The following AGPAT4 variants were observed in gnomAD, a reference collection of about 807,000 sequenced individuals.
AGPAT4 encodes the protein 1-acylglycerol-3-phosphate O-acyltransferase 4.
A neutral mutation model predicts 48.0 loss-of-function variants in AGPAT4; 15 were observed. That is an observed-to-expected ratio of 0.31 (90% CI 0.21 to 0.48). The LOEUF is 0.48. AGPAT4 is among the 20% of genes least tolerant of loss of function. The pLI is 0.99. For synonymous variants in AGPAT4, 178 were observed against 198.7 expected (o/e 0.90, Z 0.88); for missense variants, 314 against 482.5 (o/e 0.65, Z 3.27).
Position 161,198,248 on chromosome 6 carries a change from C to G in AGPAT4, c.179-31831G>C, listed in dbSNP as rs757373633. 6.6e-6 allele frequency among the ~76,000 whole-genome samples: 1 copy of G among 152,276 alleles called. No individual in the cohort carries two copies. The highest frequency in any genetic ancestry group is 1.9e-4 in the East Asian group (1 of 5,182). On this transcript the variant is annotated intron_variant, in intron 2 of 8. Coordinates refer to ENST00000320285, the MANE Select transcript of AGPAT4 (RefSeq NM_020133.3). The surrounding 1 kb of genome is among the most constrained non-coding windows in gnomAD (Gnocchi z 4.3). ...CTCTAAATTATACTTCTTGCTTGTA[C>G]GTAAATATAATCTCAAGTAATTTTT...
chr6:161,238,087 T>C lies in AGPAT4; in HGVS notation c.-89-5785A>G, dbSNP rs966874939. On this transcript the variant is annotated intron_variant, in intron 1 of 8. Coordinates refer to ENST00000320285, the MANE Select transcript of AGPAT4 (RefSeq NM_020133.3). The surrounding 1 kb of genome is among the most constrained non-coding windows in gnomAD (Gnocchi z 5.2). ...GGGGGTGGGGGGGTAATGGGGGGGT[T>C]GGGGGGCGGGAGGCAGAATGCAGCA... is the stretch of plus-strand genomic sequence containing the variant. Among the ~76,000 whole-genome samples, 6 of 3,066 alleles carry C rather than the reference T, an allele frequency of 2.0e-3. No homozygotes were observed. The highest frequency in any genetic ancestry group is 3.9e-3 in the Admixed American group (1 of 258). The allele number at this position is 3,066 out of a possible 152,430, so 2.0% of individuals were successfully genotyped here. A position where few individuals can be genotyped will look rare whatever the true frequency, so the allele number is the denominator to read the frequency against.
chr6:161,132,988 A>G lies in AGPAT4; in HGVS notation c.*3552T>C, dbSNP rs529561452. On this transcript the variant is annotated 3_prime_UTR_variant, in exon 9 of 9. Transcript: ENST00000320285. ...CTAGGGCCCCTCAAGAGACGTGCAA[A>G]CCAAAGTATTTGTTTTTCTCACTTT... 5 of 152,358 alleles carry G rather than the reference A, an allele frequency of 3.3e-5. No homozygotes were observed. In the East Asian group the frequency reaches 9.6e-4, roughly 29 times the overall value. The allele number at this position is 152,358 out of a possible 1,614,324, so 9.4% of individuals were successfully genotyped here.
In AGPAT4 at chr6:161,166,214, G is replaced by A. The variant is rs1411510142; in HGVS notation, c.348+34C>T. The A allele has an allele frequency of 6.2e-7, 1 of 1,607,768 alleles. No homozygotes were observed. Among genetic ancestry groups the A allele is most frequent in the Non-Finnish European group, 8.5e-7 (1 of 1,176,430 alleles). ...AGTGGTGGGGCTGAACCAGAGAAAT[G>A]TGTGAGGCAGGGGGGAATGCACTTC... On this transcript the variant is annotated intron_variant, in intron 3 of 8. Coordinates refer to ENST00000320285, the MANE Select transcript of AGPAT4 (RefSeq NM_020133.3). This position sits in a 1 kb window ranked among gnomAD's most constrained non-coding sequence, Gnocchi z 6.7.
rs757429399 is a variant in AGPAT4, at chr6:161,264,887, TC to T, written c.-90+9050del. Among the ~76,000 whole-genome samples the T allele has an allele frequency of 4.6e-5, 7 of 151,636 alleles. No homozygotes were observed. The South Asian group carries it at 1.0e-3, about 23-fold the overall frequency. ...AGGACTAGTTATGGGACCCCTAGAG[TC>T]CCCCAGGGCTGGGGAGCTGAAGCCT... is the stretch of plus-strand genomic sequence containing the variant. On this transcript the variant is annotated intron_variant, in intron 1 of 8. Coordinates refer to ENST00000320285, the MANE Select transcript of AGPAT4 (RefSeq NM_020133.3). This position sits in a 1 kb window ranked among gnomAD's most constrained non-coding sequence, Gnocchi z 6.8.
In AGPAT4 at chr6:161,139,377, A is replaced by C. The variant is rs757410367; in HGVS notation, c.1042+45T>G. 3.1e-6 allele frequency: 5 copies of C among 1,596,640 alleles called. No individual in the cohort carries two copies. On this transcript the variant is annotated intron_variant, in intron 8 of 8. Transcript: ENST00000320285. This position sits in a 1 kb window ranked among gnomAD's most constrained non-coding sequence, Gnocchi z 9.1. ...TCCCAGCCCTGATGCCACCTCTCCCAGGGTGGTGCTGTCAGCACCCACCAG... is the reference window on the plus strand; with the variant it reads ...TCCCAGCCCTGATGCCACCTCTCCCCGGGTGGTGCTGTCAGCACCCACCAG...
In AGPAT4 at chr6:161,235,792, C is replaced by T. The variant is rs528484629; in HGVS notation, c.-89-3490G>A. Among the ~76,000 whole-genome samples, 6 of 152,148 alleles carry T rather than the reference C, an allele frequency of 3.9e-5. No individual in the cohort carries two copies. In the South Asian group the frequency reaches 6.2e-4, roughly 16 times the overall value. On this transcript the variant is annotated intron_variant, in intron 1 of 8. Coordinates refer to ENST00000320285, the MANE Select transcript of AGPAT4 (RefSeq NM_020133.3). This position sits in a 1 kb window ranked among gnomAD's most constrained non-coding sequence, Gnocchi z 6.2. ...AAGAGAACTCACTCATTATACGGTA[C>T]CAAGGGGGTACAGTGCTAAACCATT...
At chr6:161,260,672 A>AC (rs1405647684) in intron 1 of AGPAT4, among the ~76,000 whole-genome samples, 1 of 150,702 alleles carries the variant, frequency 6.6e-6, no homozygotes, top group Non-Finnish European at 1.5e-5. Flanking sequence ...AAAAAAAAAA[A>AC]AAAAAAAAAA....
rs752632755 is a variant in AGPAT4 at position 161,146,491 on chromosome 6, C to T, written c.843+33G>A. ...CCACACGGCGCACCCACAGCTGCAACGTGAAGGGACCCCTGGCACCCAGTG... is the reference window on the plus strand; with the variant it reads ...CCACACGGCGCACCCACAGCTGCAATGTGAAGGGACCCCTGGCACCCAGTG... On this transcript the variant is annotated intron_variant, in intron 7 of 8. Coordinates refer to ENST00000320285, the MANE Select transcript of AGPAT4 (RefSeq NM_020133.3). The surrounding 1 kb of genome is among the most constrained non-coding windows in gnomAD (Gnocchi z 7.1). 7.5e-6 allele frequency: 12 copies of T among 1,610,292 alleles called. No individual in the cohort carries two copies. The highest frequency in any genetic ancestry group is 2.2e-5 in the East Asian group (1 of 44,840).
rs140133840 is a variant in AGPAT4, at chr6:161,206,637, C to T, written c.178+25399G>A. ...AATGTCCAAGATACAATTGAAAAAT[C>T]ACTTGACATGCCAAGGACCAGGAAA... On this transcript the variant is annotated intron_variant, in intron 2 of 8. Transcript: ENST00000320285. This position sits in a 1 kb window ranked among gnomAD's most constrained non-coding sequence, Gnocchi z 4.8. Among the ~76,000 whole-genome samples the T allele has an allele frequency of 1.7e-3, 261 of 152,240 alleles. 1 individual carries two copies. The highest frequency in any genetic ancestry group is 5.9e-3 in the African/African-American group (246 of 41,532).
intron 2 of AGPAT4, among the ~76,000 whole-genome samples, chr6:161,183,782 G>T (rs1780679716): frequency 6.7e-6 from 1 of 149,564 alleles, no homozygotes; most frequent in Non-Finnish European, 1.5e-5. Flanking sequence ...GGCCCAGAAG[G>T]CCTCTCAGAT....
rs2115005045 is a variant in AGPAT4 at position 161,195,467 on chromosome 6, G to A, written c.179-29050C>T. Among the ~76,000 whole-genome samples the A allele has an allele frequency of 6.6e-6, 1 of 152,020 alleles. No individual in the cohort carries two copies. Among genetic ancestry groups the A allele is most frequent in the African/African-American group, 2.4e-5 (1 of 41,314 alleles). ...CCACCTAGAAATACAGCAACTTCAT[G>A]TTCATCAGAATCAGAAGTTTGTACA... On this transcript the variant is annotated intron_variant, in intron 2 of 8. Transcript: ENST00000320285. The surrounding 1 kb of genome is among the most constrained non-coding windows in gnomAD (Gnocchi z 5.0).
rs5881394 is a variant in AGPAT4, at chr6:161,160,104, A to ATTTTTTTT, written c.349-5802_349-5795dup. 8.9e-4 allele frequency: 66 copies of ATTTTTTTT among 74,008 alleles called. 1 individual carries two copies. Among genetic ancestry groups the ATTTTTTTT allele is most frequent in the East Asian group, 1.5e-3 (3 of 2,052 alleles). The allele number at this position is 74,008 out of a possible 1,614,324, so 4.6% of individuals were successfully genotyped here. The stretch of plus-strand genomic sequence containing the variant: ...AGACACCTGCCACCACACCCAGCTA[A>ATTTTTTTT]TTTTTTTTTTTTTTTTTTTTTTTTT... On this transcript the variant is annotated intron_variant, in intron 3 of 8. Coordinates refer to ENST00000320285, the MANE Select transcript of AGPAT4 (RefSeq NM_020133.3).
At position 161,153,507 on chromosome 6, in the gene AGPAT4, G is replaced by A. The variant is rs1004024297; in HGVS notation, c.511-8C>T. On this transcript the variant is annotated splice_polypyrimidine_tract_variant and splice_region_variant and intron_variant, in intron 4 of 8. Transcript: ENST00000320285. ...CTCACAGTGAATCAGGAACTGGAAGGAAGGAGGCAGGAGTCGCACGCAGCC... is the reference window on the plus strand; with the variant it reads ...CTCACAGTGAATCAGGAACTGGAAGAAAGGAGGCAGGAGTCGCACGCAGCC... The A allele has an allele frequency of 4.3e-6, 7 of 1,613,098 alleles. No individual in the cohort carries two copies. In the Admixed American group the frequency reaches 6.7e-5, roughly 15 times the overall value.
In AGPAT4 at chr6:161,251,306, T is replaced by G. The variant is rs1197552867; in HGVS notation, c.-89-19004A>C. 6.6e-6 allele frequency among the ~76,000 whole-genome samples: 1 copy of G among 152,210 alleles called. No homozygotes were observed. The highest frequency in any genetic ancestry group is 1.5e-5 in the Non-Finnish European group (1 of 68,038). ...ATTTGTTGAAAGATCCTTCTCTACC[T>G]CATTGATTCCCATGCAGTCTCTCCT... On this transcript the variant is annotated intron_variant, in intron 1 of 8. Transcript: ENST00000320285. This position sits in a 1 kb window ranked among gnomAD's most constrained non-coding sequence, Gnocchi z 4.6.
At chr6:161,136,684 G>A in intron 8 of AGPAT4, 50 bp from the exon 9 acceptor site, 3 of 1,535,008 alleles carry the variant, frequency 2.0e-6, no homozygotes, top group Non-Finnish European at 2.7e-6. Flanking sequence ...CAGACTACAG[G>A]GCCGTTTTCC....
rs866456241 is a variant in AGPAT4, at chr6:161,154,371, C to T, written c.349-61G>A. The stretch of plus-strand genomic sequence containing the variant: ...GAGACGTCAGAGCCACCTGCCGGGG[C>T]TGTTGGAGACTGAAGTAGAAAAAGA... On this transcript the variant is annotated intron_variant, in intron 3 of 8. Coordinates refer to ENST00000320285, the MANE Select transcript of AGPAT4 (RefSeq NM_020133.3). This position sits in a 1 kb window ranked among gnomAD's most constrained non-coding sequence, Gnocchi z 7.8. 2 of 1,593,882 alleles carry T rather than the reference C, an allele frequency of 1.3e-6. No homozygotes were observed. The highest frequency in any genetic ancestry group is 1.7e-5 in the Admixed American group (1 of 58,128).
intron 1 of AGPAT4, among the ~76,000 whole-genome samples, chr6:161,241,257 C>G (rs539125721): frequency 9.1e-6 from 1 of 109,598 alleles, no homozygotes; most frequent in African/African-American, 4.2e-5. Flanking sequence ...GAGCAAAACT[C>G]TGTCTCAAAA....
intron 1 of AGPAT4, among the ~76,000 whole-genome samples, chr6:161,237,944 T>G (rs1782342148): frequency 6.6e-6 from 1 of 151,958 alleles, no homozygotes; most frequent in Non-Finnish European, 1.5e-5. Context: ...AGGGTTGGCA[T>G]GCTCTATTAA....
At chr6:161,185,349 A>G (rs1330368147) in intron 2 of AGPAT4, among the ~76,000 whole-genome samples, 3 of 137,732 alleles carry the variant, frequency 2.2e-5, no homozygotes, top group Non-Finnish European at 4.5e-5. Context: ...GGAGTGCAGT[A>G]GTGCAATCTC....
Sources: gnomAD v4.1 joint callset for allele counts (sites outside exome capture counted in the v4.1 genomes callset) on GRCh38, gnomAD v4.1.1 for gene constraint, Gnocchi (gnomAD v3.1) non-coding constraint, MANE v1.5 for transcripts, NCBI Gene and HGNC (gene_info 2026-07-23, HGNC 2026-07-21) for gene names.